The following LRP1B variants were observed in gnomAD, a reference collection of about 807,000 sequenced individuals.
The protein encoded by LRP1B is LDL receptor related protein 1B, also known as low-density lipoprotein receptor-related protein 1B.
A neutral mutation model predicts 556.6 loss-of-function variants in LRP1B; 217 were observed. The ratio of observed to expected loss-of-function variants is 0.39; its 90% CI spans 0.35 to 0.44. LRP1B has a LOEUF of 0.44. Ranked by LOEUF, LRP1B falls within the 20% of genes least tolerant of loss-of-function variation. LRP1B has a pLI of 1.00. For synonymous variants in LRP1B, 2,047 were observed against 1,865.8 expected (o/e 1.10, Z -2.50); for missense variants, 5,053 against 5,620.8 (o/e 0.90, Z 3.23).
intron 1 of LRP1B, among the ~76,000 whole-genome samples, chr2:141,969,747 C>T (rs984967475): frequency 2.6e-5 from 4 of 151,622 alleles, no homozygotes; most frequent in African/African-American, 9.6e-5. Flanking sequence ...TGATTTCAAA[C>T]CTTTGGGGTA....
At chr2:141,254,964 C>G (rs1232935224) in intron 3 of LRP1B, among the ~76,000 whole-genome samples, 14 of 152,008 alleles carry the variant, frequency 9.2e-5, no homozygotes, top group Admixed American at 9.2e-4. Flanking sequence ...CCATCTATGT[C>G]TTTCCTATCT....
chr2:141,953,833 C>T (rs1414211789), intron 1 of LRP1B, among the ~76,000 whole-genome samples: 1 of 152,038 alleles, frequency 6.6e-6, no homozygotes, highest in Admixed American at 6.6e-5. Flanking sequence ...GGTTACTTGT[C>T]ATATGTGCAT....
intron 1 of LRP1B, among the ~76,000 whole-genome samples, chr2:141,844,861 C>CT (rs1156780996): frequency 6.6e-6 from 1 of 151,728 alleles, no homozygotes; most frequent in East Asian, 1.9e-4. Context: ...ACAGCATTGT[C>CT]TAAAAGCATT....
At chr2:141,596,610 T>G (rs571916789) in intron 2 of LRP1B, among the ~76,000 whole-genome samples, 1 of 152,186 alleles carries the variant, frequency 6.6e-6, no homozygotes, top group Admixed American at 6.5e-5. Context: ...TGTGATGAAC[T>G]TAATTACATT....
intron 1 of LRP1B, among the ~76,000 whole-genome samples, chr2:141,969,302 C>A (rs966047407): frequency 6.6e-6 from 1 of 151,472 alleles, no homozygotes; most frequent in Non-Finnish European, 1.5e-5. Flanking sequence ...TTTAAGTACA[C>A]AGTACACTAT....
intron 3 of LRP1B, among the ~76,000 whole-genome samples, chr2:141,267,165 G>T (rs1321593167): frequency 6.6e-6 from 1 of 152,106 alleles, no homozygotes; most frequent in African/African-American, 2.4e-5. Context: ...GGAATTCAGT[G>T]ATTTTAATTT....
chr2:141,142,669 T>C (rs1453592406), intron 7 of LRP1B, among the ~76,000 whole-genome samples: 2 of 152,102 alleles, frequency 1.3e-5, no homozygotes, highest in Non-Finnish European at 2.9e-5. Flanking sequence ...AAATCTACCT[T>C]GTGAAATAGT....
intron 23 of LRP1B, chr2:140,898,783 G>T: frequency 1.7e-6 from 1 of 571,876 alleles, no homozygotes; most frequent in South Asian, 1.5e-5. Context: ...AACCAACTGG[G>T]AGCGCTATCA....
At chr2:140,293,866 C>A (rs1252273677) in intron 84 of LRP1B, among the ~76,000 whole-genome samples, 1 of 152,052 alleles carries the variant, frequency 6.6e-6, no homozygotes, top group Non-Finnish European at 1.5e-5. Flanking sequence ...TACTTCGGGA[C>A]CTTGAGCAAG....
At chr2:140,688,916 A>G (rs1686141608) in intron 41 of LRP1B, among the ~76,000 whole-genome samples, 1 of 152,206 alleles carries the variant, frequency 6.6e-6, no homozygotes, top group Non-Finnish European at 1.5e-5. Context: ...TGAAGAGCTA[A>G]CACAGATGAG....
chr2:141,565,288 GGCTTA>G (rs1686291867), intron 2 of LRP1B, among the ~76,000 whole-genome samples: 1 of 151,948 alleles, frequency 6.6e-6, no homozygotes, highest in East Asian at 1.9e-4. Flanking sequence ...TGTTCCACAG[GGCTTA>G]GCTTATTTAC....
At chr2:140,635,135 T>C (rs1380612292) in intron 41 of LRP1B, among the ~76,000 whole-genome samples, 1 of 152,130 alleles carries the variant, frequency 6.6e-6, no homozygotes, top group Non-Finnish European at 1.5e-5. Flanking sequence ...TTTTGAGTTA[T>C]AGTGTTATCA....
intron 2 of LRP1B, among the ~76,000 whole-genome samples, chr2:141,757,788 T>G (rs1694376740): frequency 6.6e-6 from 1 of 152,082 alleles, no homozygotes; most frequent in Admixed American, 6.6e-5. Flanking sequence ...CCTCCCACAC[T>G]GGCCTCTCAA....
At chr2:140,843,090 TTTTTTTTTTG>T (rs1425764536) in intron 29 of LRP1B, among the ~76,000 whole-genome samples, 5 of 28,096 alleles carry the variant, frequency 1.8e-4, no homozygotes, top group African/African-American at 4.3e-4. Flanking sequence ...TGTTTGTTTT[TTTTTTTTTTG>T]TTTTTTTTTT....
chr2:141,731,390 C>G (rs1271180019), intron 2 of LRP1B, among the ~76,000 whole-genome samples: 1 of 152,082 alleles, frequency 6.6e-6, no homozygotes, highest in East Asian at 1.9e-4. Flanking sequence ...TCTCCTATGT[C>G]CTCCGTGGCT....
At chr2:141,499,528 C>A (rs1471857721) in intron 2 of LRP1B, among the ~76,000 whole-genome samples, 1 of 151,974 alleles carries the variant, frequency 6.6e-6, no homozygotes, top group African/African-American at 2.4e-5. Flanking sequence ...TTAACTCTTT[C>A]CACATCCTCT....
chr2:141,678,276 T>C (rs746635675), intron 2 of LRP1B, among the ~76,000 whole-genome samples: 158 of 152,078 alleles, frequency 1.0e-3, no homozygotes, highest in Non-Finnish European at 1.7e-3. Flanking sequence ...TATAGACATT[T>C]TGAGGTGAAG....
chr2:141,784,072 T>A (rs1433006258), intron 2 of LRP1B, among the ~76,000 whole-genome samples: 1 of 151,972 alleles, frequency 6.6e-6, no homozygotes, highest in Non-Finnish European at 1.5e-5. Flanking sequence ...TGATCGCATT[T>A]GTTGGTACTT....
At chr2:142,082,828 C>T (rs1705770596) in intron 1 of LRP1B, among the ~76,000 whole-genome samples, 1 of 152,082 alleles carries the variant, frequency 6.6e-6, no homozygotes, top group South Asian at 2.1e-4. Context: ...TTTAGGGTGT[C>T]TTATCTAATA....
Sources: gnomAD v4.1 joint callset for allele counts (sites outside exome capture counted in the v4.1 genomes callset) on GRCh38, gnomAD v4.1.1 for gene constraint, MANE v1.5 for transcripts, NCBI Gene and HGNC (gene_info 2026-07-23, HGNC 2026-07-21) for gene names.